The following MAP2 variants were observed in gnomAD, a reference collection of about 807,000 sequenced individuals.
MAP2 encodes microtubule-associated protein 2.
In MAP2, 14 loss-of-function variants were observed where a neutral mutation model predicts 137.6. The observed-to-expected ratio is 0.10, with a 90% CI of 0.07 to 0.16. The LOEUF (loss-of-function observed/expected upper bound fraction) is 0.16, where lower values mean the gene tolerates loss of function less well. Among genes scored for constraint, MAP2 ranks in the 10% least tolerant of loss-of-function variants. The probability of loss-of-function intolerance (pLI) is 1.00; values close to 1 mark genes in which losing one functional copy is unlikely to be tolerated. For missense variants in MAP2, 2,088 were observed against 2,191.5 expected (o/e 0.95, Z 0.94); for synonymous variants, 786 against 782.3 (o/e 1.00, Z -0.08).
intron 2 of MAP2, among the ~76,000 whole-genome samples, chr2:209,559,500 A>AAAAAAAAAT: frequency 6.6e-6 from 1 of 150,462 alleles, no homozygotes; most frequent in Non-Finnish European, 1.5e-5. Flanking sequence ...AAAAAAAAAA[A>AAAAAAAAAT]AAAAGCCGGG....
intron 1 of MAP2, among the ~76,000 whole-genome samples, chr2:209,474,378 T>C (rs1433784972): frequency 3.3e-5 from 5 of 152,154 alleles, no homozygotes; most frequent in African/African-American, 1.2e-4. Flanking sequence ...GTATAATTTA[T>C]GTTACAGCAT....
intron 12 of MAP2, 144 bp from the exon 13 acceptor site, chr2:209,709,770 G>A (rs2064821761): frequency 3.4e-6 from 2 of 592,400 alleles, no homozygotes; most frequent in Non-Finnish European, 5.7e-6. Context: ...GAGACTCTCA[G>A]CTTCTTGAGT....
At chr2:209,729,102 G>T (rs2075181777) in intron 14 of MAP2, among the ~76,000 whole-genome samples, 1 of 152,078 alleles carries the variant, frequency 6.6e-6, no homozygotes, top group African/African-American at 2.4e-5. Context: ...ACACTGAAGA[G>T]TGCAGCATGG....
intron 5 of MAP2, among the ~76,000 whole-genome samples, chr2:209,668,643 C>G (rs1360924012): frequency 6.6e-6 from 1 of 151,938 alleles, no homozygotes; most frequent in Non-Finnish European, 1.5e-5. Context: ...ATTGACCTTA[C>G]CCTTCTTGCT....
At chr2:209,511,185 A>C (rs1287390820) in intron 2 of MAP2, among the ~76,000 whole-genome samples, 1 of 152,132 alleles carries the variant, frequency 6.6e-6, no homozygotes, top group East Asian at 1.9e-4. Context: ...ACTGTCTTTT[A>C]GTCTCATTTT....
At position 209,693,537 on chromosome 2, in the gene MAP2, T is replaced by C; in HGVS notation, c.1367T>C (p.Val456Ala). 4 of 1,611,514 alleles carry C rather than the reference T, an allele frequency of 2.5e-6. No homozygotes were observed. Among genetic ancestry groups the C allele is most frequent in the Non-Finnish European group, 3.4e-6 (4 of 1,179,456 alleles). Residue 456 changes from valine to alanine, a missense_variant, in exon 8 of 16, where the codon GTG (valine) becomes GCG (alanine). Val to Ala is a moderately conservative substitution (Grantham distance 64). Coordinates refer to ENST00000682079, the MANE Select transcript of MAP2 (RefSeq NM_001375505.1). ...EKTTISDKEA[V>A]PKESKPPKPA... ...ACCACCATTTCTGACAAAGAAGCTG[T>C]GCCAAAAGAGAGTAAACCCCCAAAA...
At chr2:209,446,937 T>C (rs1347970584) in intron 1 of MAP2, among the ~76,000 whole-genome samples, 3 of 151,902 alleles carry the variant, frequency 2.0e-5, no homozygotes, top group African/African-American at 7.2e-5. Flanking sequence ...ATAGCAGATA[T>C]TTTCTCAGAT....
chr2:209,519,570 A>C (rs973447093), intron 2 of MAP2, among the ~76,000 whole-genome samples: 3 of 152,074 alleles, frequency 2.0e-5, no homozygotes, highest in African/African-American at 7.2e-5. Flanking sequence ...GGCTAATGGG[A>C]GGCTTAGTTA....
chr2:209,500,018 C>T (rs1339625774), intron 1 of MAP2, among the ~76,000 whole-genome samples: 1 of 152,156 alleles, frequency 6.6e-6, no homozygotes, highest in African/African-American at 2.4e-5. Flanking sequence ...CATATCCATG[C>T]AATAGTTGTA....
chr2:209,728,163 T>C (rs1324555899), intron 14 of MAP2, among the ~76,000 whole-genome samples: 2 of 152,018 alleles, frequency 1.3e-5, no homozygotes, highest in Non-Finnish European at 2.9e-5. Flanking sequence ...TAGCAAAAAT[T>C]TAACACGATT....
intron 14 of MAP2, among the ~76,000 whole-genome samples, chr2:209,728,108 T>C (rs1167825946): frequency 6.6e-6 from 1 of 152,190 alleles, no homozygotes; most frequent in Admixed American, 6.5e-5. Flanking sequence ...CACTCCATCC[T>C]GGGCAACAGA....
At chr2:209,660,006 C>G (rs1047728862) in intron 5 of MAP2, among the ~76,000 whole-genome samples, 1 of 152,084 alleles carries the variant, frequency 6.6e-6, no homozygotes, top group Non-Finnish European at 1.5e-5. Flanking sequence ...CCACTGCACT[C>G]CAGCCTGGGC....
chr2:209,462,140 GA>G (rs1702978080), intron 1 of MAP2, among the ~76,000 whole-genome samples: 1 of 152,090 alleles, frequency 6.6e-6, no homozygotes, highest in Non-Finnish European at 1.5e-5. Context: ...TTCAATTTTT[GA>G]CAACTATGAA....
At chr2:209,525,104 G>A (rs1182970035) in intron 2 of MAP2, among the ~76,000 whole-genome samples, 2 of 152,000 alleles carry the variant, frequency 1.3e-5, no homozygotes, top group South Asian at 4.1e-4. Flanking sequence ...TTTCCAGTAG[G>A]ATATTAGAAA....
At chr2:209,551,383 C>T (rs1194729668) in intron 2 of MAP2, among the ~76,000 whole-genome samples, 4 of 152,112 alleles carry the variant, frequency 2.6e-5, no homozygotes, top group Non-Finnish European at 5.9e-5. Flanking sequence ...GGGTAGCATA[C>T]ATAAAACATT....
chr2:209,664,215 C>A (rs2045122412), intron 5 of MAP2, among the ~76,000 whole-genome samples: 1 of 152,132 alleles, frequency 6.6e-6, no homozygotes, highest in African/African-American at 2.4e-5. Flanking sequence ...TGCTTATTTT[C>A]TATAATATGT....
chr2:209,443,561 T>A (rs1698338271), intron 1 of MAP2, among the ~76,000 whole-genome samples: 1 of 4,324 alleles, frequency 2.3e-4, no homozygotes, highest in Admixed American at 7.6e-4. Context: ...ATGCTACCAG[T>A]CTCTTCAACG....
At chr2:209,532,354 A>G (rs1175066165) in intron 2 of MAP2, among the ~76,000 whole-genome samples, 1 of 152,130 alleles carries the variant, frequency 6.6e-6, no homozygotes, top group Non-Finnish European at 1.5e-5. Flanking sequence ...CTTCTTCATC[A>G]TCCTCATTTT....
At chr2:209,647,133 A>G (rs1295123015) in intron 4 of MAP2, among the ~76,000 whole-genome samples, 3 of 152,060 alleles carry the variant, frequency 2.0e-5, no homozygotes, top group Non-Finnish European at 4.4e-5. Flanking sequence ...ACACTTTTAA[A>G]CAATCAGATA....
Sources: allele counts gnomAD v4.1 joint callset (sites outside exome capture counted in the v4.1 genomes callset), GRCh38; gene constraint gnomAD v4.1.1; transcripts MANE v1.5; gene names NCBI Gene and HGNC (gene_info 2026-07-23, HGNC 2026-07-21).